CNBD1: variants seen among roughly 807,000 people sequenced by gnomAD.
CNBD1 encodes the protein cyclic nucleotide-binding domain-containing protein 1.
Under a neutral mutation model 54.4 loss-of-function variants are expected in CNBD1, and 71 were observed. The observed-to-expected ratio is 1.30, with a 90% CI of 1.08 to 1.59. The LOEUF is 1.59. CNBD1 is among the 40% of genes most tolerant of loss of function. The pLI, the probability that CNBD1 is intolerant of heterozygous loss-of-function variation, is 0.00. For synonymous variants in CNBD1, 182 were observed against 170.7 expected (o/e 1.07, Z -0.51); for missense variants, 659 against 518.0 (o/e 1.27, Z -2.64).
At chr8:87,075,111 A>G (rs1810840807) in intron 4 of CNBD1, among the ~76,000 whole-genome samples, 1 of 152,196 alleles carries the variant, frequency 6.6e-6, no homozygotes, top group Non-Finnish European at 1.5e-5. Context: ...CTGGAGCACT[A>G]TGGCACATAG....
At chr8:87,406,773 C>T (rs1168465052) in intron 2 of CNBD1, among the ~76,000 whole-genome samples, 3 of 151,992 alleles carry the variant, frequency 2.0e-5, no homozygotes, top group Admixed American at 6.6e-5. Context: ...CCACCGTGCC[C>T]GGCCCTCAGT....
intron 10 of CNBD1, among the ~76,000 whole-genome samples, chr8:87,364,503 ATTT>A (rs1353434536): frequency 1.6e-5 from 1 of 60,630 alleles, no homozygotes; most frequent in Non-Finnish European, 4.3e-5. Flanking sequence ...TTTAAATTTT[ATTT>A]TATGTTCAGA....
intron 6 of CNBD1, among the ~76,000 whole-genome samples, chr8:87,259,063 C>A (rs1028333549): frequency 2.0e-5 from 3 of 152,072 alleles, no homozygotes; most frequent in Non-Finnish European, 4.4e-5. Flanking sequence ...GTATGTAAAC[C>A]TATTTTTTCA....
chr8:87,033,849 C>G (rs1314687577), intron 4 of CNBD1, among the ~76,000 whole-genome samples: 1 of 152,094 alleles, frequency 6.6e-6, no homozygotes, highest in Non-Finnish European at 1.5e-5. Flanking sequence ...TCTAAAATAT[C>G]AAACCATCCT....
chr8:87,109,516 G>T (rs1268819016), intron 4 of CNBD1, among the ~76,000 whole-genome samples: 1 of 144,246 alleles, frequency 6.9e-6, no homozygotes, highest in Non-Finnish European at 1.5e-5. Context: ...AAAAGTCAGG[G>T]TTTGTTTCTT....
At chr8:87,013,998 C>A (rs1283383798) in intron 4 of CNBD1, among the ~76,000 whole-genome samples, 1 of 151,650 alleles carries the variant, frequency 6.6e-6, no homozygotes. Flanking sequence ...AAACAAAAGT[C>A]TTTTCTAAAT....
intron 1 of CNBD1, among the ~76,000 whole-genome samples, chr8:86,878,282 A>C (rs1429909831): frequency 6.6e-6 from 1 of 152,142 alleles, no homozygotes; most frequent in Non-Finnish European, 1.5e-5. Context: ...ATTATTAAAT[A>C]GTGGTTATTT....
intron 2 of CNBD1, among the ~76,000 whole-genome samples, chr8:86,893,641 C>T (rs1037997589): frequency 1.3e-5 from 2 of 152,116 alleles, no homozygotes; most frequent in East Asian, 1.9e-4. Context: ...TACAGTTAGC[C>T]TGTAAACTCC....
chr8:86,928,461 C>T (rs1375896244), intron 3 of CNBD1, among the ~76,000 whole-genome samples: 9 of 152,268 alleles, frequency 5.9e-5, no homozygotes, highest in Non-Finnish European at 8.8e-5. Flanking sequence ...GTATCCCTAG[C>T]GCCCTGGAAA....
At chr8:86,869,706 A>T (rs1242831893) in intron 1 of CNBD1, among the ~76,000 whole-genome samples, 8 of 152,204 alleles carry the variant, frequency 5.3e-5, no homozygotes, top group African/African-American at 1.9e-4. Context: ...CTGGATGAGA[A>T]TTATTTTAAA....
At chr8:87,237,902 C>T (rs1807614922) in intron 6 of CNBD1, among the ~76,000 whole-genome samples, 1 of 152,078 alleles carries the variant, frequency 6.6e-6, no homozygotes, top group African/African-American at 2.4e-5. Context: ...TATTATTCAT[C>T]TCACATGAAT....
intron 6 of CNBD1, among the ~76,000 whole-genome samples, chr8:87,273,621 A>C (rs2130860099): frequency 6.6e-6 from 1 of 152,048 alleles, no homozygotes; most frequent in East Asian, 1.9e-4. Context: ...TATCCCAGTA[A>C]CTTGTTTTCT....
intron 8 of CNBD1, among the ~76,000 whole-genome samples, chr8:87,343,470 C>T (rs1463697943): frequency 1.3e-5 from 2 of 152,196 alleles, no homozygotes; most frequent in African/African-American, 4.8e-5. Flanking sequence ...CTTAATTCTT[C>T]TGCCATGGCT....
intron 6 of CNBD1, among the ~76,000 whole-genome samples, chr8:87,265,505 A>T (rs1173932313): frequency 6.6e-6 from 1 of 152,124 alleles, no homozygotes. Context: ...CTTAAATGTT[A>T]AAAAGTATTT....
intron 8 of CNBD1, among the ~76,000 whole-genome samples, chr8:87,345,688 T>G (rs114633064): frequency 0.024 from 3,673 of 152,146 alleles, 149 homozygotes; most frequent in African/African-American, 0.081. Context: ...GCAAGAAAAT[T>G]AATGAAAATG....
intron 8 of CNBD1, among the ~76,000 whole-genome samples, chr8:87,318,716 G>T (rs1447278852): frequency 1.3e-5 from 2 of 151,730 alleles, no homozygotes; most frequent in Non-Finnish European, 2.9e-5. Context: ...GGGGAGGGGG[G>T]GCATTGGATA....
chr8:87,300,083 G>A (rs541329779), intron 8 of CNBD1, among the ~76,000 whole-genome samples: 2 of 152,032 alleles, frequency 1.3e-5, no homozygotes. Context: ...GTTAACATGT[G>A]GAGAACATAT....
chr8:87,161,007 T>C (rs1812846473), intron 4 of CNBD1, among the ~76,000 whole-genome samples: 2 of 152,236 alleles, frequency 1.3e-5, no homozygotes, highest in South Asian at 4.1e-4. Flanking sequence ...ATCAATGTTG[T>C]CTTCATTGTT....
chr8:87,200,212 T>TCCCAACCTGAG (rs1372850566), intron 4 of CNBD1, among the ~76,000 whole-genome samples: 12 of 151,970 alleles, frequency 7.9e-5, no homozygotes. Flanking sequence ...GCTCAAAACC[T>TCCCAACCTGAG]CCCAACCTGA....
Sources: gnomAD v4.1 joint callset for allele counts (sites outside exome capture counted in the v4.1 genomes callset) on GRCh38, gnomAD v4.1.1 for gene constraint, MANE v1.5 for transcripts, NCBI Gene and HGNC (gene_info 2026-07-23, HGNC 2026-07-21) for gene names.